HEXB: variants seen among roughly 807,000 people sequenced by gnomAD.
HEXB encodes the protein beta-hexosaminidase subunit beta.
HEXB carries 51 observed loss-of-function variants against 71.2 expected under a neutral mutation model. The ratio of observed to expected loss-of-function variants is 0.72; its 90% confidence interval spans 0.57 to 0.90. HEXB has a LOEUF of 0.90. Among genes scored for constraint, HEXB ranks in the 40% least tolerant of loss-of-function variants. HEXB has a pLI of 0.00. For missense variants in HEXB, 617 were observed against 677.0 expected (o/e 0.91, Z 0.98); for synonymous variants, 266 against 249.3 (o/e 1.07, Z -0.63).
intron 1 of HEXB, among the ~76,000 whole-genome samples, chr5:74,654,457 C>T (rs1748179926): frequency 6.6e-6 from 1 of 152,130 alleles, no homozygotes; most frequent in African/African-American, 2.4e-5. Flanking sequence ...ACGAGATATA[C>T]TAACAGCTCC....
rs760715910 is a variant in HEXB, at chr5:74,718,322, G to T, written c.1201G>T (p.Gly401Ter). 1 of 1,612,034 alleles carries T rather than the reference G, an allele frequency of 6.2e-7. No homozygotes were observed. The highest frequency in any genetic ancestry group is 1.1e-5 in the South Asian group (1 of 91,042). The change falls in exon 10 of 14, where the codon GGA becomes TGA. Residue 401 changes from glycine to a stop codon, truncating the protein, a stop_gained. Coordinates refer to ENST00000261416, the MANE Select transcript of HEXB (RefSeq NM_000521.4). LOFTEE classifies it high-confidence loss of function. ...GGATATTATTGCAACCATAAACAAG[G>T]GATCCATTGTCTGGCAGGAGGTTTT... is the stretch of plus-strand genomic sequence containing the variant. ...VLDIIATINK[G>*]SIVWQEVFDD...
intron 3 of HEXB, among the ~76,000 whole-genome samples, chr5:74,695,053 TAA>T (rs1749081408): frequency 1.3e-5 from 2 of 152,266 alleles, no homozygotes; most frequent in Middle Eastern, 6.8e-3. Context: ...TTTTATACCA[TAA>T]GATTATAATT....
intron 1 of HEXB, among the ~76,000 whole-genome samples, chr5:74,672,033 G>C (rs759207443): frequency 1.3e-5 from 2 of 152,202 alleles, no homozygotes; most frequent in East Asian, 3.9e-4. Context: ...GATGAGGTCT[G>C]TGTGCTTTGT....
intron 1 of HEXB, among the ~76,000 whole-genome samples, chr5:74,670,246 T>G (rs891699283): frequency 3.3e-5 from 5 of 151,914 alleles, no homozygotes; most frequent in African/African-American, 1.2e-4. Context: ...GCCTCTTTTT[T>G]TTTTTTGCCT....
At chr5:74,710,937 G>T (rs1459075441) in intron 6 of HEXB, among the ~76,000 whole-genome samples, 55 of 151,776 alleles carry the variant, frequency 3.6e-4, no homozygotes, top group Non-Finnish European at 5.7e-4. Flanking sequence ...AAAACTACTT[G>T]AAAGTTCATA....
At chr5:74,690,397 C>T (rs1748972180) in intron 2 of HEXB, among the ~76,000 whole-genome samples, 2 of 152,032 alleles carry the variant, frequency 1.3e-5, no homozygotes, top group Admixed American at 6.6e-5. Flanking sequence ...TACCTGTAAT[C>T]CCAGCACTTT....
At chr5:74,663,221 G>C (rs1010862959) in intron 1 of HEXB, among the ~76,000 whole-genome samples, 3 of 151,082 alleles carry the variant, frequency 2.0e-5, no homozygotes, top group African/African-American at 7.3e-5. Flanking sequence ...GCGGAGTTTC[G>C]CTCTTGTTGC....
chr5:74,668,117 T>G (rs1216818109), intron 1 of HEXB, among the ~76,000 whole-genome samples: 1 of 152,204 alleles, frequency 6.6e-6, no homozygotes, highest in Non-Finnish European at 1.5e-5. Context: ...CTGGATTACC[T>G]GATAGGGACA....
At position 74,652,688 on chromosome 5, in the gene HEXB, A is replaced by G. The variant is rs62368185; in HGVS notation, c.-377+12130A>G. 0.18 allele frequency among the ~76,000 whole-genome samples: 26,685 copies of G among 152,006 alleles called. 2,578 individuals carry two copies. Among genetic ancestry groups the G allele is most frequent in the Non-Finnish European group, 0.21 (14,467 of 67,952 alleles). On this transcript the variant is annotated intron_variant, in intron 1 of 13. Coordinates refer to the HEXB transcript ENST00000511181. This position sits in a 1 kb window ranked among gnomAD's most constrained non-coding sequence, Gnocchi z 5.4. Reference sequence around the variant, plus strand: ...CCCCCAGGATTGTGTCCAAGTTCCAAAGTGTTCTTGAGCAGCCAAAAGTCA... The same window carrying G: ...CCCCCAGGATTGTGTCCAAGTTCCAGAGTGTTCTTGAGCAGCCAAAAGTCA...
At chr5:74,709,814 G>C (rs1749494094) in intron 6 of HEXB, among the ~76,000 whole-genome samples, 1 of 151,734 alleles carries the variant, frequency 6.6e-6, no homozygotes, top group African/African-American at 2.4e-5. Flanking sequence ...ATCAACCAAA[G>C]AGTCCAGGAC....
intron 7 of HEXB, among the ~76,000 whole-genome samples, chr5:74,714,094 C>CA (rs1749618732): frequency 6.6e-6 from 1 of 152,226 alleles, no homozygotes; most frequent in African/African-American, 2.4e-5. Context: ...CTCGGCCTCC[C>CA]AAAGTGTTGG....
At chr5:74,676,471 T>C (rs1394041582) in intron 1 of HEXB, among the ~76,000 whole-genome samples, 1 of 152,136 alleles carries the variant, frequency 6.6e-6, no homozygotes, top group African/African-American at 2.4e-5. Context: ...TGCAAATTTT[T>C]AAAGGGCAAG....
At chr5:74,653,680 A>G (rs1425237595) in intron 1 of HEXB, among the ~76,000 whole-genome samples, 1 of 152,216 alleles carries the variant, frequency 6.6e-6, no homozygotes, top group African/African-American at 2.4e-5. Context: ...TGATACTGTC[A>G]AGCCCTGATA....
chr5:74,661,154 G>A (rs1454121473), intron 1 of HEXB, among the ~76,000 whole-genome samples: 1 of 152,178 alleles, frequency 6.6e-6, no homozygotes, highest in African/African-American at 2.4e-5. Flanking sequence ...CTTTTGGGAT[G>A]ACAAGCCCAG....
At chr5:74,695,746 CAGG>C (rs1749098704) in intron 3 of HEXB, among the ~76,000 whole-genome samples, 1 of 149,408 alleles carries the variant, frequency 6.7e-6, no homozygotes, top group African/African-American at 2.5e-5. Context: ...GAGGCTGAGG[CAGG>C]AGAAGTACTT....
chr5:74,710,122 C>G (rs57865484), intron 6 of HEXB, among the ~76,000 whole-genome samples: 52,759 of 151,826 alleles, frequency 0.35, 11,907 homozygotes, highest in African/African-American at 0.64. Flanking sequence ...GGGACGCAAG[C>G]CTGGTTCAAT....
At position 74,720,479 on chromosome 5, in the gene HEXB, G is replaced by A; in HGVS notation, c.1469G>A (p.Gly490Glu). ...LFIGGEACLWGEYVDATNLTP... is the reference protein window; with the variant it reads ...LFIGGEACLWEEYVDATNLTP... ...ATTGGTGGAGAAGCTTGTCTATGGGGAGAATATGTGGATGCAACTAACCTC... is the reference window on the plus strand; with the variant it reads ...ATTGGTGGAGAAGCTTGTCTATGGGAAGAATATGTGGATGCAACTAACCTC... Residue 490 changes from glycine to glutamate, a missense_variant, in exon 12 of 14, where the codon GGA (glycine) becomes GAA (glutamate). Coordinates refer to ENST00000261416, the MANE Select transcript of HEXB (RefSeq NM_000521.4). The A allele has an allele frequency of 6.2e-7, 1 of 1,613,776 alleles. No homozygotes were observed. Among genetic ancestry groups the A allele is most frequent in the Non-Finnish European group, 8.5e-7 (1 of 1,179,624 alleles).
intron 1 of HEXB, among the ~76,000 whole-genome samples, chr5:74,647,590 AACAAGGATATAT>A (rs1427191682): frequency 2.0e-5 from 3 of 152,268 alleles, no homozygotes; most frequent in African/African-American, 7.2e-5. Flanking sequence ...ACACGACATG[AACAAGGATATAT>A]ACAAGCATCC....
chr5:74,679,482 T>C (rs1748697702), intron 1 of HEXB, among the ~76,000 whole-genome samples: 1 of 152,108 alleles, frequency 6.6e-6, no homozygotes, highest in East Asian at 1.9e-4. Context: ...ACTTCTAGCA[T>C]GTGAGCAGAG....
Sources: gnomAD v4.1 joint callset for allele counts (sites outside exome capture counted in the v4.1 genomes callset) on GRCh38, gnomAD v4.1.1 for gene constraint, Gnocchi (gnomAD v3.1) non-coding constraint, MANE v1.5 for transcripts, NCBI Gene and HGNC (gene_info 2026-07-23, HGNC 2026-07-21) for gene names.